The following TENM2 variants were observed in gnomAD, a reference collection of about 807,000 sequenced individuals.
TENM2 encodes teneurin transmembrane protein 2.
In TENM2, 52 loss-of-function variants were observed where a neutral mutation model predicts 245.2. The observed-to-expected ratio is 0.21, with a 90% CI of 0.17 to 0.27. The LOEUF (loss-of-function observed/expected upper bound fraction) is 0.27, where lower values mean the gene tolerates loss of function less well. Among genes scored for constraint, TENM2 ranks in the 10% least tolerant of loss-of-function variants. The pLI is 1.00. For synonymous variants in TENM2, 1,363 were observed against 1,438.9 expected (o/e 0.95, Z 1.19); for missense variants, 3,046 against 3,666.8 (o/e 0.83, Z 4.37).
intron 5 of TENM2, among the ~76,000 whole-genome samples, chr5:168,024,694 G>A: frequency 6.6e-6 from 1 of 152,200 alleles, no homozygotes; most frequent in East Asian, 1.9e-4. Flanking sequence ...GCTACAGTAA[G>A]TGTGATCATG....
At chr5:167,169,485 A>G in the TENM2 span, among the ~76,000 whole-genome samples, 1 of 152,148 alleles carries the variant, frequency 6.6e-6, no homozygotes, top group Non-Finnish European at 1.5e-5. Flanking sequence ...TGCCTTGGGC[A>G]TGTCCCTTAA....
At chr5:168,150,677 G>T (rs1048012220) in intron 12 of TENM2, among the ~76,000 whole-genome samples, 5 of 152,230 alleles carry the variant, frequency 3.3e-5, no homozygotes, top group African/African-American at 1.2e-4. Context: ...TATGGGAAAT[G>T]AAGTTAAAAG....
intron 1 of TENM2, among the ~76,000 whole-genome samples, chr5:167,326,727 T>C (rs1176055912): frequency 6.9e-6 from 1 of 145,234 alleles, no homozygotes; most frequent in Non-Finnish European, 1.5e-5. Flanking sequence ...ATATATAAAA[T>C]AAAGTCAAGC....
At chr5:167,873,483 T>C (rs2091853931) in intron 2 of TENM2, among the ~76,000 whole-genome samples, 1 of 152,150 alleles carries the variant, frequency 6.6e-6, no homozygotes, top group South Asian at 2.1e-4. Flanking sequence ...TCTGTGCGGT[T>C]TAACCTCTCT....
intron 2 of TENM2, among the ~76,000 whole-genome samples, chr5:167,707,556 A>C (rs1179509632): frequency 6.6e-6 from 1 of 152,180 alleles, no homozygotes; most frequent in Non-Finnish European, 1.5e-5. Flanking sequence ...CAAGCTCACC[A>C]AGTTGTATAT....
rs548869968 is a variant in TENM2, at chr5:168,218,413, G to A, written c.4522G>A (p.Gly1508Arg). 20 of 1,614,012 alleles carry A rather than the reference G, an allele frequency of 1.2e-5. No individual in the cohort carries two copies. The highest frequency in any genetic ancestry group is 2.2e-5 in the East Asian group (1 of 44,884). Residue 1508 changes from glycine to arginine, a missense_variant, in exon 23 of 29, where the codon GGG (glycine) becomes AGG (arginine). Physicochemically the swap from Gly to Arg is moderately radical, Grantham distance 125. Transcript: ENST00000518659. This position sits in a 1 kb window ranked among gnomAD's most constrained non-coding sequence, Gnocchi z 5.2. Reference sequence around the variant, plus strand: ...CCGTCTACGCCAGGTAACAACCAACGGGGAGATCTGCCTTTTAGCTGGGGC... The same window carrying A: ...CCGTCTACGCCAGGTAACAACCAACAGGGAGATCTGCCTTTTAGCTGGGGC...
At chr5:168,183,158 C>T (rs1760079642) in intron 13 of TENM2, among the ~76,000 whole-genome samples, 1 of 152,126 alleles carries the variant, frequency 6.6e-6, no homozygotes, top group East Asian at 1.9e-4. Context: ...TCTGCCACCC[C>T]TCACCCCCAC....
chr5:167,528,793 G>A (rs1193608056), intron 2 of TENM2, among the ~76,000 whole-genome samples: 1 of 152,104 alleles, frequency 6.6e-6, no homozygotes, highest in Non-Finnish European at 1.5e-5. Context: ...TCAATGAAAT[G>A]AATTCCCATA....
chr5:167,911,160 G>C (rs1776514217), intron 3 of TENM2, among the ~76,000 whole-genome samples: 1 of 152,082 alleles, frequency 6.6e-6, no homozygotes, highest in Non-Finnish European at 1.5e-5. Context: ...ACTATCTATG[G>C]TTTTAATTGT....
intron 2 of TENM2, among the ~76,000 whole-genome samples, chr5:167,863,134 A>G (rs906794146): frequency 3.3e-5 from 5 of 152,206 alleles, no homozygotes; most frequent in African/African-American, 1.2e-4. Context: ...TCATCTGTAA[A>G]ATAGGGAGAA....
chr5:167,561,475 G>A (rs1468173115), intron 2 of TENM2, among the ~76,000 whole-genome samples: 6 of 152,328 alleles, frequency 3.9e-5, no homozygotes, highest in African/African-American at 1.2e-4. Flanking sequence ...TGCCCATGAC[G>A]GAGGTCAGAC....
intron 13 of TENM2, chr5:168,186,217 G>A (rs1425591960): frequency 6.6e-6 from 1 of 151,738 alleles, no homozygotes; most frequent in Non-Finnish European, 1.5e-5. Flanking sequence ...TAGAATTTTT[G>A]GCTTTTTACC....
chr5:168,006,852 T>C (rs1353228151), intron 5 of TENM2, among the ~76,000 whole-genome samples: 1 of 152,330 alleles, frequency 6.6e-6, no homozygotes, highest in East Asian at 1.9e-4. Flanking sequence ...TACTACACAC[T>C]TTCCCTTAAA....
intron 2 of TENM2, among the ~76,000 whole-genome samples, chr5:167,833,337 A>G (rs900416792): frequency 1.3e-5 from 2 of 152,216 alleles, no homozygotes; most frequent in African/African-American, 4.8e-5. Flanking sequence ...CAAATTTCAG[A>G]CAAACAATAG....
intron 2 of TENM2, among the ~76,000 whole-genome samples, chr5:167,800,939 A>G (rs1016160986): frequency 6.6e-6 from 1 of 151,844 alleles, no homozygotes; most frequent in Non-Finnish European, 1.5e-5. Context: ...GGAATTTATT[A>G]GATCTTCCTT....
intron 2 of TENM2, among the ~76,000 whole-genome samples, chr5:167,510,208 C>T (rs1327712486): frequency 6.6e-6 from 1 of 152,164 alleles, no homozygotes; most frequent in Non-Finnish European, 1.5e-5. Flanking sequence ...TGTATTCATG[C>T]AGTTAATTTA....
the TENM2 span, among the ~76,000 whole-genome samples, chr5:167,027,078 C>T: frequency 2.6e-5 from 4 of 152,142 alleles, no homozygotes; most frequent in Non-Finnish European, 4.4e-5. Flanking sequence ...TCTTAAGAGA[C>T]TCTTCAAGGA....
chr5:167,952,407 C>T (rs1013001996), intron 3 of TENM2, 181 bp from the exon 6 acceptor site: 7 of 604,686 alleles, frequency 1.2e-5, no homozygotes, highest in Middle Eastern at 7.8e-4. Flanking sequence ...AAATCAAAGC[C>T]CATTATTTAT....
intron 1 of TENM2, among the ~76,000 whole-genome samples, chr5:167,338,985 G>T (rs188809306): frequency 7.2e-5 from 11 of 152,284 alleles, no homozygotes; most frequent in Admixed American, 5.9e-4. Context: ...TTGGGAAGAT[G>T]AGGCTTCAGT....
Sources: allele counts gnomAD v4.1 joint callset (sites outside exome capture counted in the v4.1 genomes callset), GRCh38; gene constraint gnomAD v4.1.1; non-coding constraint Gnocchi (gnomAD v3.1); transcripts MANE v1.5; gene names NCBI Gene and HGNC (gene_info 2026-07-23, HGNC 2026-07-21).